RGS6: variants seen among roughly 807,000 people sequenced by gnomAD.
The protein encoded by RGS6 is regulator of G protein signaling 6.
A neutral mutation model predicts 78.5 loss-of-function variants in RGS6; 30 were observed. The ratio of observed to expected loss-of-function variants is 0.38; its 90% CI spans 0.29 to 0.52. The LOEUF is 0.52. RGS6 is among the 20% of genes least tolerant of loss of function. The pLI is 0.85. For missense variants in RGS6, 495 were observed against 609.7 expected (o/e 0.81, Z 1.98); for synonymous variants, 206 against 206.0 (o/e 1.00, Z 0.00).
At chr14:72,104,941 T>A (rs2083962779) in intron 2 of RGS6, among the ~76,000 whole-genome samples, 1 of 152,250 alleles carries the variant, frequency 6.6e-6, no homozygotes, top group South Asian at 2.1e-4. Flanking sequence ...TTCCATCATT[T>A]GTTTAGATTA....
intron 12 of RGS6, among the ~76,000 whole-genome samples, chr14:72,487,175 G>T (rs2153388834): frequency 6.6e-6 from 1 of 152,326 alleles, no homozygotes; most frequent in Non-Finnish European, 1.5e-5. Flanking sequence ...ATAGATTCAT[G>T]AACACTGGGT....
intron 2 of RGS6, among the ~76,000 whole-genome samples, chr14:72,198,081 C>T (rs2040614201): frequency 6.6e-6 from 1 of 152,050 alleles, no homozygotes; most frequent in Admixed American, 6.6e-5. Flanking sequence ...AACATCTTGG[C>T]TGGGCGCAGC....
intron 15 of RGS6, among the ~76,000 whole-genome samples, chr14:72,523,239 G>A (rs1223295109): frequency 2.0e-5 from 3 of 152,150 alleles, no homozygotes; most frequent in Non-Finnish European, 4.4e-5. Flanking sequence ...CTTGGTGGTC[G>A]CACTGAGACC....
At chr14:72,449,690 G>A (rs1051972233) in intron 3 of RGS6, among the ~76,000 whole-genome samples, 5 of 152,160 alleles carry the variant, frequency 3.3e-5, no homozygotes, top group African/African-American at 7.2e-5. Flanking sequence ...GGTGCAGGTT[G>A]GCACCCTTAG....
chr14:72,580,314 C>T, the RGS6 span, among the ~76,000 whole-genome samples: 429 of 145,328 alleles, frequency 3.0e-3, 8 homozygotes, highest in Middle Eastern at 0.014. Context: ...ATGTCCCCCC[C>T]ACCCCGACCC....
At chr14:72,386,822 C>G (rs2088231612) in intron 3 of RGS6, among the ~76,000 whole-genome samples, 2 of 152,100 alleles carry the variant, frequency 1.3e-5, no homozygotes, top group Admixed American at 6.5e-5. Context: ...CTCAGAAATA[C>G]AGCAAACATG....
At chr14:72,469,977 G>A in intron 7 of RGS6, 30 bp from the exon 8 acceptor site, 2 of 1,535,230 alleles carry the variant, frequency 1.3e-6, no homozygotes, top group African/African-American at 1.4e-5. Context: ...GATGATTAAT[G>A]CCGCCTTGTT....
rs61097187 is a variant in RGS6 at position 72,508,562 on chromosome 14, C to CTTTT, written c.966-1564_966-1561dup. ...CCAAGCTTTCCACGCACACAAGCTC[C>CTTTT]TTTTTTTTTTTTTTTTTTTTTTTTT... On this transcript the variant is annotated intron_variant, in intron 13 of 17. Coordinates refer to ENST00000553525, the MANE Select transcript of RGS6 (RefSeq NM_001204424.2). Among the ~76,000 whole-genome samples the CTTTT allele has an allele frequency of 6.3e-3, 357 of 56,464 alleles. 19 individuals are homozygous for CTTTT. The highest frequency in any genetic ancestry group is 0.013 in the Middle Eastern group (1 of 76). 37.0% of individuals were successfully genotyped at this position (56,464 alleles called of 152,430 possible).
the RGS6 span, among the ~76,000 whole-genome samples, chr14:71,880,402 A>G: frequency 6.6e-6 from 1 of 152,182 alleles, no homozygotes; most frequent in East Asian, 1.9e-4. Flanking sequence ...TCTCCAGGGA[A>G]TGTCAGAAGT....
chr14:71,964,042 T>TA (rs398039238), intron 1 of RGS6, among the ~76,000 whole-genome samples: 4 of 151,988 alleles, frequency 2.6e-5, no homozygotes, highest in Admixed American at 6.6e-5. Context: ...TTTTTTTTTT[T>TA]AAATTATAAT....
intron 2 of RGS6, among the ~76,000 whole-genome samples, chr14:72,259,219 G>A (rs1408071211): frequency 6.6e-6 from 1 of 152,152 alleles, no homozygotes; most frequent in Non-Finnish European, 1.5e-5. Flanking sequence ...AAAAGAATCA[G>A]ATTTTGCAAA....
chr14:72,535,116 TC>T (rs1425282576), intron 15 of RGS6, among the ~76,000 whole-genome samples: 1 of 152,238 alleles, frequency 6.6e-6, no homozygotes, highest in Non-Finnish European at 1.5e-5. Context: ...ACCAGGATTT[TC>T]CAACCCTTGA....
chr14:72,399,251 C>T (rs1042443696), intron 3 of RGS6, among the ~76,000 whole-genome samples: 1 of 151,922 alleles, frequency 6.6e-6, no homozygotes, highest in Non-Finnish European at 1.5e-5. Flanking sequence ...ATAGTTAGTT[C>T]TTCTTGTTGT....
the RGS6 span, among the ~76,000 whole-genome samples, chr14:72,601,368 C>G: frequency 1.3e-5 from 2 of 152,186 alleles, no homozygotes; most frequent in African/African-American, 4.8e-5. Context: ...GCTCCCAACC[C>G]TCCCCTGCTC....
At position 72,038,978 on chromosome 14, in the gene RGS6, G is replaced by C. The variant is rs1446861480; in HGVS notation, c.84+74103G>C. Among the ~76,000 whole-genome samples, 3 of 152,256 alleles carry C rather than the reference G, an allele frequency of 2.0e-5. No individual in the cohort carries two copies. The East Asian group carries it at 5.8e-4, about 29-fold the overall frequency. On this transcript the variant is annotated intron_variant, in intron 2 of 17. Coordinates refer to ENST00000553525, the MANE Select transcript of RGS6 (RefSeq NM_001204424.2). ...AGGAATGGAGATAGAAGTTTGCCTT[G>C]TTTTCATTCACAGGAGGAAAGCATT...
At chr14:71,949,786 T>A (rs1002797343) in intron 1 of RGS6, among the ~76,000 whole-genome samples, 1 of 151,802 alleles carries the variant, frequency 6.6e-6, no homozygotes. Context: ...CTCTATTTTT[T>A]TTTTTTTTTG....
intron 2 of RGS6, among the ~76,000 whole-genome samples, chr14:72,096,627 C>T (rs1371707530): frequency 1.3e-5 from 2 of 152,108 alleles, no homozygotes; most frequent in Admixed American, 6.5e-5. Context: ...TCTCTTATGC[C>T]CTGGCTCTTA....
chr14:72,502,202 G>A (rs1034358127), intron 13 of RGS6, among the ~76,000 whole-genome samples: 1 of 152,216 alleles, frequency 6.6e-6, no homozygotes, highest in South Asian at 2.1e-4. Flanking sequence ...AGCCCAAGCC[G>A]TTGGAGAGGC....
chr14:72,225,609 A>G lies in RGS6; in HGVS notation c.85-126486A>G, dbSNP rs138043729. The stretch of plus-strand genomic sequence containing the variant: ...CTCCTAAAGTGTCAGGATTACAGGC[A>G]TGAGCCACCACGCCCAGCCAAAAAC... On this transcript the variant is annotated intron_variant, in intron 2 of 17. Transcript: ENST00000553525. Among the ~76,000 whole-genome samples the G allele has an allele frequency of 3.5e-3, 527 of 152,298 alleles. 3 individuals are homozygous for G. The highest frequency in any genetic ancestry group is 0.012 in the African/African-American group (482 of 41,568).
Sources: allele counts gnomAD v4.1 joint callset (sites outside exome capture counted in the v4.1 genomes callset), GRCh38; gene constraint gnomAD v4.1.1; transcripts MANE v1.5; gene names NCBI Gene and HGNC (gene_info 2026-07-23, HGNC 2026-07-21).